NDST1: variants seen among roughly 807,000 people sequenced by gnomAD.
The protein encoded by NDST1 is bifunctional heparan sulfate N-deacetylase/N-sulfotransferase 1.
Under a neutral mutation model 92.8 loss-of-function variants are expected in NDST1, and 35 were observed. The observed-to-expected ratio is 0.38, with a 90% confidence interval of 0.29 to 0.50. The LOEUF (loss-of-function observed/expected upper bound fraction) is 0.50. NDST1 is among the 20% of genes least tolerant of loss of function. NDST1 has a pLI of 0.94. For missense variants in NDST1, 822 were observed against 1,182.7 expected, an observed-to-expected ratio of 0.69 and a Z score of 4.47; for synonymous variants, 493 against 500.3, an observed-to-expected ratio of 0.99 and a Z score of 0.19.
chr5:150,499,829 C>T (rs1753154315), intron 1 of NDST1, among the ~76,000 whole-genome samples: 2 of 152,226 alleles, frequency 1.3e-5, no homozygotes, highest in South Asian at 4.1e-4. Context: ...GTCACCAGGT[C>T]TTACTCTCAT....
chr5:150,538,151 C>T (rs1755078272), intron 6 of NDST1, among the ~76,000 whole-genome samples: 2 of 152,084 alleles, frequency 1.3e-5, no homozygotes. Context: ...CTGAAGCGGG[C>T]TGTGCTGGCT....
At chr5:150,498,639 G>T (rs145229594) in intron 1 of NDST1, among the ~76,000 whole-genome samples, 149 of 152,290 alleles carry the variant, frequency 9.8e-4, no homozygotes, top group African/African-American at 3.5e-3. Flanking sequence ...GCCAGGCAGG[G>T]CACGATTCTC....
At chr5:150,514,505 G>A (rs1368373887) in intron 1 of NDST1, among the ~76,000 whole-genome samples, 4 of 146,656 alleles carry the variant, frequency 2.7e-5, no homozygotes, top group African/African-American at 7.6e-5. Context: ...AGGTTGCAGT[G>A]AGCCAAGATA....
rs1233082609 is a variant in NDST1, at chr5:150,554,470, A to G, written c.*1138A>G. On this transcript the variant is annotated 3_prime_UTR_variant, in exon 15 of 15. Coordinates refer to ENST00000261797, the MANE Select transcript of NDST1 (RefSeq NM_001543.5). ...GGGTCACCCTGTCTTAGAGCTAGAG[A>G]TGAGGTGGCAGGGAGGGAGGCTGTG... The G allele has an allele frequency of 1.3e-5, 2 of 152,070 alleles. No individual in the cohort carries two copies. The highest frequency in any genetic ancestry group is 2.4e-5 in the African/African-American group (1 of 41,226). The allele number at this position is 152,070 out of a possible 1,614,324, so 9.4% of individuals were successfully genotyped here.
chr5:150,548,470 A>T, intron 12 of NDST1, 82 bp downstream of exon 12: 2 of 1,487,048 alleles, frequency 1.3e-6, no homozygotes, highest in African/African-American at 1.4e-5. Flanking sequence ...ACTCTTTCTC[A>T]CCAGCCGTGG....
At chr5:150,516,102 C>A (rs1753951871) in intron 1 of NDST1, among the ~76,000 whole-genome samples, 1 of 152,226 alleles carries the variant, frequency 6.6e-6, no homozygotes, top group African/African-American at 2.4e-5. Flanking sequence ...CCAGTAAGGG[C>A]CACAGCCTCC....
At chr5:150,525,544 C>G (rs1002148409) in intron 2 of NDST1, among the ~76,000 whole-genome samples, 3 of 152,194 alleles carry the variant, frequency 2.0e-5, no homozygotes, top group Non-Finnish European at 4.4e-5. Flanking sequence ...GAGGACTGGT[C>G]TGTGCGCTGG....
At chr5:150,500,291 A>G (rs1753173066) in intron 1 of NDST1, among the ~76,000 whole-genome samples, 1 of 152,224 alleles carries the variant, frequency 6.6e-6, no homozygotes, top group Admixed American at 6.5e-5. Context: ...CATTCAGACC[A>G]GGGGGTCTAT....
intron 1 of NDST1, among the ~76,000 whole-genome samples, chr5:150,509,815 C>T (rs1220783308): frequency 6.6e-6 from 1 of 152,200 alleles, no homozygotes; most frequent in Non-Finnish European, 1.5e-5. Flanking sequence ...AGCCGCCATC[C>T]CCCTTTCTTA....
At chr5:150,545,241 C>T (rs890902427) in intron 10 of NDST1, 71 bp from the exon 11 acceptor site, 2 of 1,567,804 alleles carry the variant, frequency 1.3e-6, no homozygotes, top group African/African-American at 1.3e-5. Flanking sequence ...GTGCCTCGCC[C>T]TTGTGCTGCA....
intron 11 of NDST1, among the ~76,000 whole-genome samples, chr5:150,546,061 G>A (rs556888917): frequency 7.2e-5 from 10 of 138,476 alleles, no homozygotes; most frequent in African/African-American, 2.2e-4. Context: ...GCAGTGGCCT[G>A]ATCTCAACTC....
In NDST1 at chr5:150,535,726, G is replaced by T; in HGVS notation, c.1278G>T (p.Gly426=). Residue 426 remains glycine (G), a synonymous_variant, in exon 6 of 15, where the codon GGG becomes GGT. Transcript: ENST00000261797. ...AVEHGIPTDM[G]YAVAPHHSGV... is the part of the protein sequence containing the mutation. Reference sequence around the variant, plus strand: ...AGCATGGCATTCCCACAGACATGGGGTATGCAGTGGCGCCCCACCACTCGG... The same window carrying T: ...AGCATGGCATTCCCACAGACATGGGTTATGCAGTGGCGCCCCACCACTCGG... 1.2e-6 allele frequency: 2 copies of T among 1,614,220 alleles called. No homozygotes were observed. The highest frequency in any genetic ancestry group is 1.1e-5 in the South Asian group (1 of 91,088).
chr5:150,504,966 G>A (rs1353210301), upstream of NDST1, among the ~76,000 whole-genome samples: 2 of 152,194 alleles, frequency 1.3e-5, no homozygotes, highest in African/African-American at 4.8e-5. Flanking sequence ...GTGTTCCTGT[G>A]TGCGTGTTGG....
At position 150,553,251 on chromosome 5, in the gene NDST1, C is replaced by T. The variant is rs1755800132; in HGVS notation, c.2568C>T (p.Asn856=). 1.2e-6 allele frequency: 2 copies of T among 1,613,878 alleles called. No homozygotes were observed. Among genetic ancestry groups the T allele is most frequent in the East Asian group, 2.2e-5 (1 of 44,878 alleles). Residue 856 remains asparagine, a synonymous_variant, in exon 15 of 15, where the codon AAC becomes AAT. Coordinates refer to ENST00000261797, the MANE Select transcript of NDST1 (RefSeq NM_001543.5). The surrounding 1 kb of genome is among the most constrained non-coding windows in gnomAD (Gnocchi z 4.2). ...AFLKDYYRDH[N]IELSKLLYKM... ...TGAAGGACTATTACCGGGACCACAA[C>T]ATCGAGCTCTCCAAGCTGCTGTATA...
chr5:150,508,937 C>G (rs1420704496), intron 1 of NDST1, among the ~76,000 whole-genome samples: 1 of 152,148 alleles, frequency 6.6e-6, no homozygotes, highest in African/African-American at 2.4e-5. Flanking sequence ...AAGGGACTTG[C>G]CCAGAGACTC....
Position 150,553,713 on chromosome 5 carries a change from A to G in NDST1, c.*381A>G, listed in dbSNP as rs548026599. ...AGGGCGCCCCTCAGTATTCGCTGCC[A>G]TATGTCCCTGTCCTCCAGGCTGTAG... On this transcript the variant is annotated 3_prime_UTR_variant, in exon 15 of 15. Transcript: ENST00000261797. This position sits in a 1 kb window ranked among gnomAD's most constrained non-coding sequence, Gnocchi z 4.2. 3 of 413,924 alleles carry G rather than the reference A, an allele frequency of 7.2e-6. No homozygotes were observed. In the East Asian group the frequency reaches 1.6e-4, roughly 22 times the overall value. The allele number at this position is 413,924 out of a possible 1,614,324, so 25.6% of individuals were successfully genotyped here. A position where few individuals can be genotyped will look rare whatever the true frequency, so the allele number is the denominator to read the frequency against.
At chr5:150,550,179 C>T (rs954829518) in intron 13 of NDST1, among the ~76,000 whole-genome samples, 1 of 151,184 alleles carries the variant, frequency 6.6e-6, no homozygotes, top group Non-Finnish European at 1.5e-5. Flanking sequence ...TGGCTCACTG[C>T]AACCTCAACC....
intron 3 of NDST1, among the ~76,000 whole-genome samples, chr5:150,530,262 T>C (rs948665901): frequency 6.6e-6 from 1 of 152,234 alleles, no homozygotes; most frequent in African/African-American, 2.4e-5. Context: ...TGAAATTCCA[T>C]TCTCTTAAAG....
At chr5:150,548,166 ACTTC>A in intron 11 of NDST1, 48 bp from the exon 12 acceptor site, 5 of 1,612,426 alleles carry the variant, frequency 3.1e-6, no homozygotes, top group Non-Finnish European at 4.2e-6. Context: ...CTCTCAGGCC[ACTTC>A]CTTTGTGTCC....
Sources: allele counts gnomAD v4.1 joint callset (sites outside exome capture counted in the v4.1 genomes callset), GRCh38; gene constraint gnomAD v4.1.1; non-coding constraint Gnocchi (gnomAD v3.1); transcripts MANE v1.5; gene names NCBI Gene and HGNC (gene_info 2026-07-23, HGNC 2026-07-21).